Variants in ABCA2 observed in about 807,000 individuals in gnomAD.
ABCA2 encodes the protein ATP-binding cassette sub-family A member 2.
Under a neutral mutation model 262.8 loss-of-function variants are expected in ABCA2, and 84 were observed. The observed-to-expected ratio is 0.32, with a 90% CI of 0.27 to 0.38. The LOEUF (loss-of-function observed/expected upper bound fraction) is 0.38, where lower values mean the gene tolerates loss of function less well. Among genes scored for constraint, ABCA2 ranks in the 10% least tolerant of loss-of-function variants. The pLI, the probability that ABCA2 is intolerant of heterozygous loss-of-function variation, is 1.00. For synonymous variants in ABCA2, 1,696 were observed against 1,502.9 expected (o/e 1.13, Z -2.97); for missense variants, 2,662 against 3,405.9 (o/e 0.78, Z 5.44).
In ABCA2 at chr9:137,013,090, T is replaced by C. The variant is rs1383480862; in HGVS notation, c.4779A>G (p.Pro1593=). The part of the protein sequence containing the change: ...GLPLSNFVPP[P]PSPAPSDSPA... ...GCGAGTCAGATGGGGCGGGCGAGGG[T>C]GGGGGTGGCACGAAATTGGACAGTG... Residue 1593 remains proline, a synonymous_variant, in exon 30 of 49, where the codon CCA becomes CCG. Transcript: ENST00000341511. 5 of 1,044,196 alleles carry C rather than the reference T, an allele frequency of 4.8e-6. No individual in the cohort carries two copies. The highest frequency in any genetic ancestry group is 6.8e-6 in the Non-Finnish European group (5 of 734,630). 64.7% of individuals were successfully genotyped at this position (1,044,196 alleles called of 1,614,324 possible). A position where few individuals can be genotyped will look rare whatever the true frequency, so the allele number is the denominator to read the frequency against.
Position 137,011,609 on chromosome 9 carries a change from C to T in ABCA2, c.5651+25G>A, listed in dbSNP as rs199916154. On this transcript the variant is annotated intron_variant, in intron 36 of 48. Transcript: ENST00000341511. This position sits in a 1 kb window ranked among gnomAD's most constrained non-coding sequence, Gnocchi z 8.8. The stretch of plus-strand genomic sequence containing the variant: ...AGGCAGCCCCGGTCCCACCTGAGGC[C>T]GCTCCCCCCTCCGCTTCCGCTTACC... 459 of 1,553,940 alleles carry T rather than the reference C, an allele frequency of 3.0e-4. 2 individuals carry two copies. In the African/African-American group the frequency reaches 5.5e-3, roughly 19 times the overall value.
rs538311889 is a variant in ABCA2 at position 137,020,878 on chromosome 9, C to T, written c.1081G>A (p.Ala361Thr). ...ACTGRTPGPP[A>T]SGAGGAANGT... ...TTGGCCGCCCCACCCGCACCACTGGCTGGGGGTCCGGGGGTCCGGCCAGTG... is the reference window on the plus strand; with the variant it reads ...TTGGCCGCCCCACCCGCACCACTGGTTGGGGGTCCGGGGGTCCGGCCAGTG... Residue 361 changes from alanine to threonine, a missense_variant, in exon 9 of 49, where the codon GCC (alanine) becomes ACC (threonine). Coordinates refer to ENST00000341511, the MANE Select transcript of ABCA2 (RefSeq NM_001606.5). 3.9e-6 allele frequency: 6 copies of T among 1,548,332 alleles called. No individual in the cohort carries two copies. In the East Asian group the frequency reaches 1.4e-4, roughly 37 times the overall value.
rs1830989712 is a variant in ABCA2, at chr9:137,010,337, G to A, written c.6209C>T (p.Ala2070Val). 1 of 1,582,682 alleles carries A rather than the reference G, an allele frequency of 6.3e-7. No homozygotes were observed. Among genetic ancestry groups the A allele is most frequent in the Non-Finnish European group, 8.6e-7 (1 of 1,165,174 alleles). ...YKSRKIGRIL[A>V]VDRLCLGVRP... ...CACACCCAGGCACAGGCGGTCAACG[G>A]CCAGGATACGGCCAATCTTCCGGGA... Residue 2070 changes from alanine to valine, a missense_variant, in exon 41 of 49, where the codon GCC (alanine) becomes GTC (valine). Physicochemically the swap from Ala to Val is moderately conservative, Grantham distance 64. Coordinates refer to ENST00000341511, the MANE Select transcript of ABCA2 (RefSeq NM_001606.5).
At chr9:137,012,657 G>C (rs774377161) in intron 31 of ABCA2, 55 bp downstream of exon 31, 1 of 1,610,500 alleles carries the variant, frequency 6.2e-7, no homozygotes, top group Non-Finnish European at 8.5e-7. Context: ...CAGGAGTTGA[G>C]ACTAGGTGGC....
rs1056944041 is a variant in ABCA2 at position 137,015,977 on chromosome 9, C to T, written c.3302G>A (p.Arg1101His). Reference sequence around the variant, plus strand: ...GCCCACCCACTTGTCCATCTCTCTGCGGATCTCCTCCTGAGCCATGCTCTT... The same window carrying T: ...GCCCACCCACTTGTCCATCTCTCTGTGGATCTCCTCCTGAGCCATGCTCTT... ...RLKSMAQEEIRREMDKMIEDL... is the reference protein window; with the variant it reads ...RLKSMAQEEIHREMDKMIEDL... Residue 1101 changes from arginine (R) to histidine (H), a missense_variant, in exon 22 of 49, where the codon CGC becomes CAC. This residue lies in a region of ABCA2 where 180 missense variants were observed against 307.3 expected (regional missense o/e 0.59). Coordinates refer to ENST00000341511, the MANE Select transcript of ABCA2 (RefSeq NM_001606.5). 4.9e-5 allele frequency: 62 copies of T among 1,275,188 alleles called. No homozygotes were observed. Among genetic ancestry groups the T allele is most frequent in the East Asian group, 1.3e-4 (3 of 23,626 alleles). The allele number at this position is 1,275,188 out of a possible 1,614,324, so 79.0% of individuals were successfully genotyped here. A position where few individuals can be genotyped will look rare whatever the true frequency, so the allele number is the denominator to read the frequency against.
intron 5 of ABCA2, 51 bp from the exon 6 acceptor site, chr9:137,022,529 GC>G: frequency 1.9e-6 from 3 of 1,593,286 alleles, no homozygotes; most frequent in Non-Finnish European, 2.6e-6. Flanking sequence ...TTGGCAAGGT[GC>G]CCCCACATGC....
At position 137,015,669 on chromosome 9, in the gene ABCA2, A is replaced by G. The variant is rs1166074798; in HGVS notation, c.3514+6T>C. 1.2e-6 allele frequency: 2 copies of G among 1,608,936 alleles called. No individual in the cohort carries two copies. The highest frequency in any genetic ancestry group is 2.2e-5 in the East Asian group (1 of 44,708). ...CGCACCCCTGCCCACACGGCACCCC[A>G]CTCACCTGGCTTGTACTTCAGGATG... On this transcript the variant is annotated splice_donor_region_variant and intron_variant, in intron 23 of 48. Coordinates refer to ENST00000341511, the MANE Select transcript of ABCA2 (RefSeq NM_001606.5).
In ABCA2 at chr9:137,011,268, G is replaced by C; in HGVS notation, c.5841C>G (p.Leu1947=). The C allele has an allele frequency of 6.2e-7, 1 of 1,612,576 alleles. No individual in the cohort carries two copies. Among genetic ancestry groups the C allele is most frequent in the South Asian group, 1.1e-5 (1 of 91,088 alleles). Residue 1947 remains leucine (L), a synonymous_variant, in exon 38 of 49, where the codon CTC becomes CTG. Transcript: ENST00000341511. This position sits in a 1 kb window ranked among gnomAD's most constrained non-coding sequence, Gnocchi z 8.8. ...GGCCCAGGTTGTAGTTGGGGAAAAT[G>C]AGGAAGCAGCTTTTCAGGTAACTGT... ...VVNSYLKSCF[L]IFPNYNLGHG...
intron 29 of ABCA2, 35 bp downstream of exon 29, chr9:137,013,426 C>A: frequency 6.3e-7 from 1 of 1,575,798 alleles, no homozygotes; most frequent in South Asian, 1.2e-5. Flanking sequence ...TTCACTCGCC[C>A]CACCCACCAA....
chr9:137,021,456 C>T lies in ABCA2; in HGVS notation c.833G>A (p.Arg278Lys), dbSNP rs1157887275. ...VCSGQAAARA[R>K]RFSGLSAELR... is the part of the protein sequence containing the mutation. The stretch of plus-strand genomic sequence containing the variant: ...CTCAGCAGACAGCCCAGAGAAGCGC[C>T]TGGCACGCGCAGCAGCCTGCCCACT... The change falls in exon 8 of 49, where the codon AGG becomes AAG. Residue 278 changes from arginine to lysine, a missense_variant. Arg to Lys is a conservative substitution (Grantham distance 26). This residue lies in a region of ABCA2 where 403 missense variants were observed against 375.9 expected (regional missense o/e 1.07). Coordinates refer to ENST00000341511, the MANE Select transcript of ABCA2 (RefSeq NM_001606.5). This position sits in a 1 kb window ranked among gnomAD's most constrained non-coding sequence, Gnocchi z 6.0. 8 of 1,612,138 alleles carry T rather than the reference C, an allele frequency of 5.0e-6. No individual in the cohort carries two copies. Among genetic ancestry groups the T allele is most frequent in the Non-Finnish European group, 6.8e-6 (8 of 1,179,836 alleles).
upstream of ABCA2, chr9:137,028,841 C>T: frequency 1.5e-6 from 2 of 1,320,872 alleles, no homozygotes; most frequent in Non-Finnish European, 2.0e-6. This position sits in a 1 kb window ranked among gnomAD's most constrained non-coding sequence, Gnocchi z 6.9. Flanking sequence ...CCGAGGCGGC[C>T]CCTGCTGCAC....
At position 137,014,376 on chromosome 9, in the gene ABCA2, G is replaced by A. The variant is rs771817967; in HGVS notation, c.4032C>T (p.Leu1344=). ...CAGACGCCGGGCCCTCCGCCCCAGG[G>A]AGCACATCCTTCCTGGACTCCTTCA... ...ADVKESRKDV[L]PGAEGPASGE... is the part of the protein sequence containing the mutation. Residue 1344 remains leucine, a synonymous_variant, in exon 27 of 49, where the codon CTC becomes CTT. Coordinates refer to ENST00000341511, the MANE Select transcript of ABCA2 (RefSeq NM_001606.5). 4 of 1,595,568 alleles carry A rather than the reference G, an allele frequency of 2.5e-6. No homozygotes were observed. Among genetic ancestry groups the A allele is most frequent in the Admixed American group, 1.7e-5 (1 of 58,182 alleles).
Position 137,014,809 on chromosome 9 carries a change from T to C in ABCA2, c.3884A>G (p.His1295Arg). ...CAGTGCATCCAGGCTGCGCTCCAGG[T>C]GCTGCAGGGGCGGTGGAGGGGGAGG... is the stretch of plus-strand genomic sequence containing the variant. ...KKGAFERLFQHLERSLDALHL... is the reference protein window; with the variant it reads ...KKGAFERLFQRLERSLDALHL... Residue 1295 changes from histidine to arginine, a missense_variant and splice_region_variant, in exon 26 of 49, where the codon CAC (histidine) becomes CGC (arginine). By Grantham distance (29) the His-to-Arg change is conservative. Transcript: ENST00000341511. The C allele has an allele frequency of 6.3e-7, 1 of 1,599,482 alleles. No homozygotes were observed.
rs779724846 is a variant in ABCA2 at position 137,017,917 on chromosome 9, G to T, written c.2097-16C>A. On this transcript the variant is annotated splice_polypyrimidine_tract_variant and intron_variant, in intron 15 of 48. Transcript: ENST00000341511. The stretch of plus-strand genomic sequence containing the variant: ...AAACAGGAAGCTGCGGGGAGGCCGC[G>T]CTCAGGCGCCACTCAGCCCCAGCCC... The T allele has an allele frequency of 6.2e-7, 1 of 1,612,050 alleles. No individual in the cohort carries two copies. The highest frequency in any genetic ancestry group is 1.7e-5 in the Admixed American group (1 of 59,950).
Position 137,010,234 on chromosome 9 carries a change from G to A in ABCA2, c.6312C>T (p.Asp2104=), listed in dbSNP as rs201928308. ...AGGCCTCGCCCCCCGTCGTGCTCTC[G>A]TCGCCGGTCAGCATCTTGAAGGTGC... The part of the protein sequence containing the change: ...KTSTFKMLTG[D]ESTTGGEAFV... Residue 2104 remains aspartate, a synonymous_variant, in exon 41 of 49, where the codon GAC becomes GAT. Transcript: ENST00000341511. 460 of 1,604,580 alleles carry A rather than the reference G, an allele frequency of 2.9e-4. No homozygotes were observed. The highest frequency in any genetic ancestry group is 3.6e-4 in the Non-Finnish European group (426 of 1,177,398).
At chr9:137,023,958 C>A in intron 2 of ABCA2, 118 bp from the exon 3 acceptor site, 1 of 1,509,760 alleles carries the variant, frequency 6.6e-7, no homozygotes, top group Non-Finnish European at 9.0e-7. Flanking sequence ...TCATTCGCGG[C>A]CACAGGCCAG....
intron 1 of ABCA2, among the ~76,000 whole-genome samples, chr9:137,025,291 A>C (rs1405624652): frequency 6.6e-6 from 1 of 152,198 alleles, no homozygotes; most frequent in Non-Finnish European, 1.5e-5. Flanking sequence ...CAGCTCAGGG[A>C]GGAGGAGGAG....
rs1290876593 is a variant in ABCA2, at chr9:137,021,619, G to A, written c.679-9C>T. 1.9e-6 allele frequency: 3 copies of A among 1,547,826 alleles called. No homozygotes were observed. Among genetic ancestry groups the A allele is most frequent in the Non-Finnish European group, 1.7e-6 (2 of 1,147,032 alleles). ...GGAGCCAGCAGCAGCTCCTGGGATG[G>A]GCACAGGGGTCCGTGGAGCCACGGC... On this transcript the variant is annotated splice_polypyrimidine_tract_variant and intron_variant, in intron 7 of 48. Coordinates refer to ENST00000341511, the MANE Select transcript of ABCA2 (RefSeq NM_001606.5). This position sits in a 1 kb window ranked among gnomAD's most constrained non-coding sequence, Gnocchi z 6.0.
In ABCA2 at chr9:137,017,837, C is replaced by A; in HGVS notation, c.2161G>T (p.Ala721Ser). ...GCCACGATGTGCTGGATGGTCATGG[C>A]CACGGAGTAGACCCAGGAGATCACC... ...CMVISWVYSV[A>S]MTIQHIVAEK... The change falls in exon 16 of 49, where the codon GCC (alanine) becomes TCC (serine). Residue 721 changes from alanine (A) to serine (S), a missense_variant. Ala to Ser is a moderately conservative substitution (Grantham distance 99). Coordinates refer to ENST00000341511, the MANE Select transcript of ABCA2 (RefSeq NM_001606.5). The A allele has an allele frequency of 2.5e-6, 4 of 1,612,588 alleles. No homozygotes were observed. Among genetic ancestry groups the A allele is most frequent in the Non-Finnish European group, 3.4e-6 (4 of 1,179,850 alleles).
Sources: gnomAD v4.1 joint callset for allele counts (sites outside exome capture counted in the v4.1 genomes callset) on GRCh38, gnomAD v4.1.1 for gene constraint, gnomAD v4.1.1 regional missense constraint, Gnocchi (gnomAD v3.1) non-coding constraint, MANE v1.5 for transcripts, NCBI Gene and HGNC (gene_info 2026-07-23, HGNC 2026-07-21) for gene names.